PODXL2: variants seen among roughly 807,000 people sequenced by gnomAD.
The protein encoded by PODXL2 is podocalyxin like 2, also known as podocalyxin-like protein 2.
Under a neutral mutation model 53.4 loss-of-function variants are expected in PODXL2, and 17 were observed. That is an observed-to-expected ratio of 0.32 (90% confidence interval 0.22 to 0.48). PODXL2 has a LOEUF of 0.48. Among genes scored for constraint, PODXL2 ranks in the 20% least tolerant of loss-of-function variants. The pLI, the probability that PODXL2 is intolerant of heterozygous loss-of-function variation, is 0.99. For missense variants in PODXL2, 673 were observed against 760.0 expected, an observed-to-expected ratio of 0.89 and a Z score of 1.35; for synonymous variants, 311 against 306.7, an observed-to-expected ratio of 1.01 and a Z score of -0.15.
rs557872027 is a variant in PODXL2 at position 127,638,895 on chromosome 3, A to G, written c.71-350A>G. Among the ~76,000 whole-genome samples, 4 of 152,172 alleles carry G rather than the reference A, an allele frequency of 2.6e-5. No homozygotes were observed. In the South Asian group the frequency reaches 8.3e-4, roughly 32 times the overall value. On this transcript the variant is annotated intron_variant, in intron 1 of 7. Coordinates refer to ENST00000342480, the MANE Select transcript of PODXL2 (RefSeq NM_015720.4). The stretch of plus-strand genomic sequence containing the variant: ...AAAGCATGGGCCCTGTCTTCACTTC[A>G]GTTTGTAGCTCCAACACCCAGTACA...
intron 2 of PODXL2, among the ~76,000 whole-genome samples, chr3:127,650,131 T>C (rs1184598734): frequency 6.6e-6 from 1 of 152,226 alleles, no homozygotes; most frequent in Non-Finnish European, 1.5e-5. Flanking sequence ...TTTCAAGGGC[T>C]CTGGCCCTTA....
rs769057384 is a variant in PODXL2, at chr3:127,660,425, A to G, written c.397A>G (p.Thr133Ala). The G allele has an allele frequency of 5.6e-6, 9 of 1,613,938 alleles. No individual in the cohort carries two copies. The East Asian group carries it at 2.0e-4, about 36-fold the overall frequency. ...LTEKAGSIED[T>A]SQAQELPNLP... is the part of the protein sequence containing the mutation. ...TGAGAAGGCAGGTTCCATTGAAGACACCAGCCAGGCTCAAGAGCTGCCAAA... is the reference window on the plus strand; with the variant it reads ...TGAGAAGGCAGGTTCCATTGAAGACGCCAGCCAGGCTCAAGAGCTGCCAAA... The change falls in exon 3 of 8, where the codon ACC becomes GCC. Residue 133 changes from threonine to alanine, a missense_variant. Physicochemically the swap from Thr to Ala is moderately conservative, Grantham distance 58 (BLOSUM62 0). Coordinates refer to ENST00000342480, the MANE Select transcript of PODXL2 (RefSeq NM_015720.4).
chr3:127,646,179 T>TA (rs1367651641), intron 2 of PODXL2, among the ~76,000 whole-genome samples: 1 of 152,166 alleles, frequency 6.6e-6, no homozygotes, highest in East Asian at 1.9e-4. Context: ...TATATATTCT[T>TA]ACTTCCATTT....
intron 7 of PODXL2, among the ~76,000 whole-genome samples, chr3:127,671,868 G>T (rs900194214): frequency 6.6e-6 from 1 of 152,196 alleles, no homozygotes; most frequent in East Asian, 1.9e-4. Flanking sequence ...CCTTTCCGGC[G>T]CAGGCACTGC....
Position 127,644,660 on chromosome 3 carries a change from T to G in PODXL2, c.349+5137T>G, listed in dbSNP as rs116211776. On this transcript the variant is annotated intron_variant, in intron 2 of 7. Transcript: ENST00000342480. ...TCTCTTCCTCTCCCATTTCCTTCCC[T>G]AGGTCTCATAAGAATAAAAATAGCT... Among the ~76,000 whole-genome samples the G allele has an allele frequency of 5.0e-3, 761 of 152,334 alleles. 3 individuals carry two copies. Among genetic ancestry groups the G allele is most frequent in the Non-Finnish European group, 7.3e-3 (495 of 68,036 alleles).
At chr3:127,645,907 G>A (rs953771187) in intron 2 of PODXL2, among the ~76,000 whole-genome samples, 29 of 152,214 alleles carry the variant, frequency 1.9e-4, no homozygotes, top group Non-Finnish European at 4.0e-4. Flanking sequence ...GGTTGGAGGA[G>A]TCAAAAGAAC....
At chr3:127,635,076 C>T (rs1339275642) in intron 1 of PODXL2, among the ~76,000 whole-genome samples, 2 of 152,132 alleles carry the variant, frequency 1.3e-5, no homozygotes, top group African/African-American at 4.8e-5. Flanking sequence ...CCATGTGCCC[C>T]CCTGAGTGGC....
intron 2 of PODXL2, among the ~76,000 whole-genome samples, chr3:127,659,283 A>G (rs574560543): frequency 6.6e-6 from 1 of 151,986 alleles, no homozygotes; most frequent in East Asian, 1.9e-4. Context: ...ATTTTTTCCT[A>G]TGTTTATTTT....
intron 6 of PODXL2, among the ~76,000 whole-genome samples, chr3:127,670,235 C>T (rs1214505275): frequency 2.0e-5 from 3 of 152,174 alleles, no homozygotes; most frequent in South Asian, 4.1e-4. Flanking sequence ...AGAGCTGAAG[C>T]GGGAGAGGTT....
intron 1 of PODXL2, among the ~76,000 whole-genome samples, chr3:127,631,455 T>C (rs1372121851): frequency 1.3e-5 from 2 of 152,190 alleles, no homozygotes; most frequent in Non-Finnish European, 2.9e-5. Context: ...TTTGCCTCCT[T>C]CTGTGTTTGT....
rs1470515448 is a variant in PODXL2, at chr3:127,635,003, C to G, written c.71-4242C>G. On this transcript the variant is annotated intron_variant, in intron 1 of 7. Transcript: ENST00000342480. ...CTAATGGAGGCGTCTCTCATGTCTA[C>G]ACATCTATGTTTCTGTATCGTCTCT... Among the ~76,000 whole-genome samples, 3 of 152,222 alleles carry G rather than the reference C, an allele frequency of 2.0e-5. No individual in the cohort carries two copies. The South Asian group carries it at 6.2e-4, about 32-fold the overall frequency.
At chr3:127,641,259 C>T (rs1040485519) in intron 2 of PODXL2, among the ~76,000 whole-genome samples, 1 of 152,070 alleles carries the variant, frequency 6.6e-6, no homozygotes, top group African/African-American at 2.4e-5. Flanking sequence ...GGTTTTGCTC[C>T]ATTGTTCAGG....
chr3:127,634,360 G>T (rs1031261946), intron 1 of PODXL2, among the ~76,000 whole-genome samples: 1 of 151,830 alleles, frequency 6.6e-6, no homozygotes, highest in African/African-American at 2.4e-5. Context: ...GGGAGGCGAA[G>T]GTTGCAGTGA....
chr3:127,658,258 G>A (rs2074738064), intron 2 of PODXL2, among the ~76,000 whole-genome samples: 1 of 152,094 alleles, frequency 6.6e-6, no homozygotes, highest in Admixed American at 6.5e-5. Context: ...TTATTACAGG[G>A]AATCAATTTT....
In PODXL2 at chr3:127,671,477, G is replaced by A. The variant is rs754600402; in HGVS notation, c.1469G>A (p.Arg490Gln). 1.4e-5 allele frequency: 22 copies of A among 1,613,976 alleles called. No homozygotes were observed. Among genetic ancestry groups the A allele is most frequent in the South Asian group, 1.1e-4 (10 of 91,082 alleles). The change falls in exon 7 of 8, where the codon CGG (arginine) becomes CAG (glutamine). Residue 490 changes from arginine (R) to glutamine (Q), a missense_variant. Physicochemically the swap from Arg to Gln is conservative, Grantham distance 43. Coordinates refer to ENST00000342480, the MANE Select transcript of PODXL2 (RefSeq NM_015720.4). ...TCCACAACCAGCAGCTGCCAGGCGCGGGCCAGCCAGGTGCGCAGCGACTAC... is the reference window on the plus strand; with the variant it reads ...TCCACAACCAGCAGCTGCCAGGCGCAGGCCAGCCAGGTGCGCAGCGACTAC... ...NYSTTSSCQA[R>Q]ASQVRSDYGT...
At position 127,629,254 on chromosome 3, in the gene PODXL2, C is replaced by CGCT; in HGVS notation, c.39_41dup (p.Leu14dup). 6.9e-6 allele frequency: 7 copies of CGCT among 1,009,566 alleles called. No individual in the cohort carries two copies. Among genetic ancestry groups the CGCT allele is most frequent in the Non-Finnish European group, 8.3e-6 (7 of 845,990 alleles). The allele number at this position is 1,009,566 out of a possible 1,614,324, so 62.5% of individuals were successfully genotyped here. A position where few individuals can be genotyped will look rare whatever the true frequency, so the allele number is the denominator to read the frequency against. On this transcript the variant is annotated inframe_insertion, in exon 1 of 8. Transcript: ENST00000342480. The surrounding 1 kb of genome is among the most constrained non-coding windows in gnomAD (Gnocchi z 6.4). ...CTGCTGCGGGCCGCCCGGCTGCCGC[C>CGCT]GCTGCTTTCGCCGCTGCTGCTTCTG...
intron 2 of PODXL2, among the ~76,000 whole-genome samples, chr3:127,652,050 G>A (rs1000148757): frequency 2.0e-5 from 3 of 150,614 alleles, no homozygotes; most frequent in East Asian, 1.9e-4. Flanking sequence ...GCTTGCTCCT[G>A]TCCAGCATCC....
Position 127,660,795 on chromosome 3 carries a change from G to T in PODXL2, c.767G>T (p.Gly256Val), listed in dbSNP as rs775568507. ...GTCACCCCAACTACAGTGACTCCGG[G>T]GGACCAGGACTCCACCAGCCAAGAG... ...PSVTPTTVTP[G>V]DQDSTSQEAE... Residue 256 changes from glycine to valine, a missense_variant, in exon 3 of 8, where the codon GGG (glycine) becomes GTG (valine). By Grantham distance (109) the Gly-to-Val change is moderately radical. Around this residue, in one of 3 missense-constraint regions of PODXL2, gnomAD observed 588 missense variants for 668.3 expected, o/e 0.88. Coordinates refer to ENST00000342480, the MANE Select transcript of PODXL2 (RefSeq NM_015720.4). 1 of 1,614,226 alleles carries T rather than the reference G, an allele frequency of 6.2e-7. No homozygotes were observed. The highest frequency in any genetic ancestry group is 8.5e-7 in the Non-Finnish European group (1 of 1,180,038).
At chr3:127,671,076 T>TG (rs2074830583) in intron 6 of PODXL2, among the ~76,000 whole-genome samples, 1 of 152,146 alleles carries the variant, frequency 6.6e-6, no homozygotes. Context: ...CTCTAACTAG[T>TG]TAGGATAGGT....
Sources: gnomAD v4.1 joint callset for allele counts (sites outside exome capture counted in the v4.1 genomes callset) on GRCh38, gnomAD v4.1.1 for gene constraint, gnomAD v4.1.1 regional missense constraint, Gnocchi (gnomAD v3.1) non-coding constraint, MANE v1.5 for transcripts, NCBI Gene and HGNC (gene_info 2026-07-23, HGNC 2026-07-21) for gene names.